The following INTS7 variants were observed in gnomAD, a reference collection of about 807,000 sequenced individuals.
INTS7 encodes integrator complex subunit 7.
A neutral mutation model predicts 109.2 loss-of-function variants in INTS7; 46 were observed. The observed-to-expected ratio is 0.42, with a 90% CI of 0.33 to 0.54. The LOEUF is 0.54. Ranked by LOEUF, INTS7 falls within the 20% of genes least tolerant of loss-of-function variation. The probability of loss-of-function intolerance (pLI) is 0.07; values close to 1 mark genes in which losing one functional copy is unlikely to be tolerated. For missense variants in INTS7, 929 were observed against 1,132.4 expected (o/e 0.82, Z 2.58); for synonymous variants, 412 against 402.9 (o/e 1.02, Z -0.27).
rs1008580378 is a variant in INTS7, at chr1:212,010,831, T to G, written c.556+544A>C. Among the ~76,000 whole-genome samples, 14 of 152,294 alleles carry G rather than the reference T, an allele frequency of 9.2e-5. No individual in the cohort carries two copies. In the Middle Eastern group the frequency reaches 0.01, roughly 111 times the overall value. ...AGTTGGCTATACCATTTAGGTTTAT[T>G]TAAGTACACTCTATGAAGTTCAAAC... On this transcript the variant is annotated intron_variant, in intron 5 of 19. Coordinates refer to ENST00000366994, the MANE Select transcript of INTS7 (RefSeq NM_015434.4).
At chr1:211,947,840 C>A (rs1254792225) in intron 17 of INTS7, among the ~76,000 whole-genome samples, 2 of 152,156 alleles carry the variant, frequency 1.3e-5, no homozygotes, top group South Asian at 2.1e-4. Flanking sequence ...ACTCACGGTA[C>A]ATCAAAGGTT....
intron 7 of INTS7, among the ~76,000 whole-genome samples, chr1:212,003,423 G>C (rs61828530): frequency 0.31 from 46,915 of 151,054 alleles, 8,867 homozygotes; most frequent in Middle Eastern, 0.43. Flanking sequence ...TCCCAAGAAA[G>C]CATCTTTCAA....
intron 17 of INTS7, among the ~76,000 whole-genome samples, chr1:211,951,808 C>T (rs566918401): frequency 1.3e-5 from 2 of 152,286 alleles, no homozygotes; most frequent in South Asian, 2.1e-4. Context: ...AGGTACCAAG[C>T]CTACGGCATT....
intron 7 of INTS7, among the ~76,000 whole-genome samples, chr1:212,003,069 T>C (rs1665748228): frequency 6.6e-6 from 1 of 151,858 alleles, no homozygotes; most frequent in African/African-American, 2.4e-5. Flanking sequence ...ACATGAGGGA[T>C]TAACGGGAGA....
chr1:212,008,940 G>A (rs1345993856), intron 5 of INTS7, among the ~76,000 whole-genome samples: 3 of 152,078 alleles, frequency 2.0e-5, no homozygotes, highest in African/African-American at 7.2e-5. Flanking sequence ...AGTCTCCTAA[G>A]TATTCTCCCT....
intron 7 of INTS7, among the ~76,000 whole-genome samples, chr1:211,997,702 A>G (rs1665469785): frequency 6.6e-6 from 1 of 151,854 alleles, no homozygotes; most frequent in Non-Finnish European, 1.5e-5. Flanking sequence ...AACATGGTGA[A>G]ACCCCATCTC....
At chr1:212,008,670 A>G (rs1180850190) in intron 5 of INTS7, among the ~76,000 whole-genome samples, 1 of 152,176 alleles carries the variant, frequency 6.6e-6, no homozygotes, top group Non-Finnish European at 1.5e-5. Flanking sequence ...TTTTGTATTA[A>G]TAAGGCTCAA....
At chr1:212,004,842 C>A (rs1469353744) in intron 7 of INTS7, among the ~76,000 whole-genome samples, 1 of 152,164 alleles carries the variant, frequency 6.6e-6, no homozygotes, top group African/African-American at 2.4e-5. Flanking sequence ...AGGAGCTACA[C>A]ATAAAAAGTA....
intron 4 of INTS7, among the ~76,000 whole-genome samples, chr1:212,014,428 G>C (rs1174977976): frequency 2.6e-5 from 3 of 117,588 alleles, no homozygotes; most frequent in Non-Finnish European, 4.8e-5. Flanking sequence ...TTGCGCCACT[G>C]TACTCCAGCC....
intron 13 of INTS7, among the ~76,000 whole-genome samples, chr1:211,970,589 A>C (rs1664126915): frequency 6.6e-6 from 1 of 152,234 alleles, no homozygotes; most frequent in South Asian, 2.1e-4. Flanking sequence ...CATATAAAGT[A>C]CTCTTATAAA....
chr1:211,994,979 T>G (rs1385341998), intron 7 of INTS7, among the ~76,000 whole-genome samples: 1 of 151,832 alleles, frequency 6.6e-6, no homozygotes, highest in Non-Finnish European at 1.5e-5. Context: ...AAAAAGAAAC[T>G]TCATAGTATT....
intron 13 of INTS7, among the ~76,000 whole-genome samples, chr1:211,974,272 A>ATATATATAT (rs1553249472): frequency 0.035 from 2,138 of 61,038 alleles, 34 homozygotes; most frequent in Admixed American, 0.042. Flanking sequence ...TCCCAGAAAA[A>ATATATATAT]AAAAATATAT....
chr1:212,006,530 T>C, intron 7 of INTS7, 109 bp downstream of exon 7: 2 of 454,992 alleles, frequency 4.4e-6, no homozygotes. Context: ...AAGTTTTTCA[T>C]ATTCAACCAC....
intron 7 of INTS7, among the ~76,000 whole-genome samples, chr1:212,000,789 A>G (rs1158701224): frequency 2.0e-5 from 3 of 152,228 alleles, no homozygotes; most frequent in Admixed American, 1.3e-4. Context: ...GAGACTTTCT[A>G]TAACTTTTTA....
chr1:211,971,653 C>T (rs1339002752), intron 13 of INTS7, among the ~76,000 whole-genome samples: 1 of 152,100 alleles, frequency 6.6e-6, no homozygotes, highest in African/African-American at 2.4e-5. Context: ...ATTGGGCTCA[C>T]GCCTATAATG....
intron 16 of INTS7, among the ~76,000 whole-genome samples, chr1:211,962,920 TAGAA>T (rs1190434284): frequency 2.6e-5 from 4 of 152,170 alleles, no homozygotes; most frequent in South Asian, 2.1e-4. Context: ...ATCAAAAAGT[TAGAA>T]AGACCTCAAT....
chr1:211,968,547 T>G lies in INTS7; in HGVS notation c.1976A>C (p.Asn659Thr). 3 of 1,614,056 alleles carry G rather than the reference T, an allele frequency of 1.9e-6. No individual in the cohort carries two copies. Among genetic ancestry groups the G allele is most frequent in the Non-Finnish European group, 2.5e-6 (3 of 1,179,952 alleles). The change falls in exon 14 of 20, where the codon AAT (asparagine) becomes ACT (threonine). Residue 659 changes from asparagine (N) to threonine (T), a missense_variant. Coordinates refer to ENST00000366994, the MANE Select transcript of INTS7 (RefSeq NM_015434.4). ...GATGCGACCACACCTCTGGAGGTCA[T>G]TTCCTAAGGTCATGGCAATTGTTGT... ...IATTIAMTLGNDLQRCGRISN... is the reference protein window; with the variant it reads ...IATTIAMTLGTDLQRCGRISN...
intron 13 of INTS7, among the ~76,000 whole-genome samples, chr1:211,969,181 A>G (rs2102410739): frequency 6.6e-6 from 1 of 151,466 alleles, no homozygotes; most frequent in East Asian, 1.9e-4. Context: ...GCTACTCGGG[A>G]GGCTGAGGCA....
intron 10 of INTS7, among the ~76,000 whole-genome samples, chr1:211,979,926 A>G (rs922211645): frequency 6.6e-6 from 1 of 152,160 alleles, no homozygotes; most frequent in Non-Finnish European, 1.5e-5. Flanking sequence ...CAGAGAATGT[A>G]TTGTGTTCCG....
Sources: gnomAD v4.1 joint callset for allele counts (sites outside exome capture counted in the v4.1 genomes callset) on GRCh38, gnomAD v4.1.1 for gene constraint, MANE v1.5 for transcripts, NCBI Gene and HGNC (gene_info 2026-07-23, HGNC 2026-07-21) for gene names.